Variants in CPNE4 observed in about 807,000 individuals in gnomAD.
CPNE4 encodes copine-4.
Under a neutral mutation model 67.9 loss-of-function variants are expected in CPNE4, and 25 were observed. That is an observed-to-expected ratio of 0.37 (90% CI 0.27 to 0.51). CPNE4 has a LOEUF of 0.51. Ranked by LOEUF, CPNE4 falls within the 20% of genes least tolerant of loss-of-function variation. The pLI is 0.93. For synonymous variants in CPNE4, 242 were observed against 244.9 expected (o/e 0.99, Z 0.11); for missense variants, 464 against 690.8 (o/e 0.67, Z 3.68).
intron 6 of CPNE4, among the ~76,000 whole-genome samples, chr3:131,684,310 CT>C (rs1433072763): frequency 1.3e-5 from 2 of 152,180 alleles, no homozygotes; most frequent in African/African-American, 4.8e-5. Context: ...TGAAAGACCT[CT>C]TTTGGTGGTG....
intron 2 of CPNE4, among the ~76,000 whole-genome samples, chr3:131,819,532 T>G (rs1440699361): frequency 6.9e-6 from 1 of 144,462 alleles, no homozygotes. Flanking sequence ...ACGCACAGTT[T>G]CCTTAAAACC....
intron 3 of CPNE4, among the ~76,000 whole-genome samples, chr3:131,721,122 G>C (rs2107741900): frequency 6.6e-6 from 1 of 152,062 alleles, no homozygotes; most frequent in East Asian, 1.9e-4. Context: ...ATTAATTGTT[G>C]TGTAATTATT....
chr3:131,652,000 A>G (rs1207644619), intron 7 of CPNE4, among the ~76,000 whole-genome samples: 1 of 152,200 alleles, frequency 6.6e-6, no homozygotes, highest in Non-Finnish European at 1.5e-5. Context: ...CAGAACTTAC[A>G]TAGGCTTCTC....
chr3:131,610,199 A>G (rs926027199), intron 7 of CPNE4, among the ~76,000 whole-genome samples: 3 of 152,100 alleles, frequency 2.0e-5, no homozygotes, highest in Admixed American at 6.6e-5. Flanking sequence ...CAAGGCAGCC[A>G]TTGCTTTTTC....
At chr3:131,963,846 G>C (rs1683851644) in intron 1 of CPNE4, among the ~76,000 whole-genome samples, 1 of 152,238 alleles carries the variant, frequency 6.6e-6, no homozygotes, top group Admixed American at 6.5e-5. Flanking sequence ...GCTCTGAAGA[G>C]AGCAGAGAAT....
chr3:131,543,868 C>T (rs1264539450), intron 14 of CPNE4, among the ~76,000 whole-genome samples: 2 of 152,286 alleles, frequency 1.3e-5, no homozygotes, highest in East Asian at 3.9e-4. Flanking sequence ...TTGCAGTGCT[C>T]CCATGGCTTC....
intron 6 of CPNE4, among the ~76,000 whole-genome samples, chr3:131,684,111 C>A (rs1330098055): frequency 1.3e-5 from 2 of 152,164 alleles, no homozygotes; most frequent in African/African-American, 2.4e-5. Flanking sequence ...ATGTTAAAAC[C>A]AAGTACTGTG....
chr3:131,692,018 G>T (rs1382634356), intron 5 of CPNE4, among the ~76,000 whole-genome samples: 1 of 152,086 alleles, frequency 6.6e-6, no homozygotes, highest in Non-Finnish European at 1.5e-5. Context: ...AATGAATAGG[G>T]CATTTTACTG....
chr3:131,648,496 A>G (rs1307653835), intron 7 of CPNE4, among the ~76,000 whole-genome samples: 3 of 152,380 alleles, frequency 2.0e-5, no homozygotes, highest in East Asian at 3.9e-4. Context: ...AGAACCTAGC[A>G]TGGTGCTTCA....
chr3:131,805,478 C>A (rs183230290), intron 2 of CPNE4, among the ~76,000 whole-genome samples: 8 of 152,260 alleles, frequency 5.3e-5, no homozygotes, highest in African/African-American at 1.4e-4. Flanking sequence ...TAAACAAATT[C>A]GATCCTCATT....
intron 2 of CPNE4, among the ~76,000 whole-genome samples, chr3:131,766,686 T>A (rs945313071): frequency 1.3e-5 from 2 of 152,030 alleles, no homozygotes; most frequent in Admixed American, 6.6e-5. Context: ...TTATAAAAAT[T>A]AGAATTCTAA....
intron 2 of CPNE4, among the ~76,000 whole-genome samples, chr3:131,872,341 A>G (rs140975285): frequency 2.2e-4 from 33 of 152,258 alleles, no homozygotes; most frequent in African/African-American, 7.0e-4. Context: ...AGCCAATGGT[A>G]TAGGTTCAGT....
chr3:131,750,713 C>T (rs754296911), intron 2 of CPNE4, among the ~76,000 whole-genome samples: 12 of 152,020 alleles, frequency 7.9e-5, no homozygotes, highest in Non-Finnish European at 1.6e-4. Context: ...AGAAAAAATG[C>T]CTATTATTTT....
At chr3:131,787,013 T>C (rs1370421362) in intron 2 of CPNE4, among the ~76,000 whole-genome samples, 2 of 152,186 alleles carry the variant, frequency 1.3e-5, no homozygotes, top group Non-Finnish European at 2.9e-5. Context: ...TCAGTTATTA[T>C]CGACTTGAAC....
At chr3:131,901,913 A>G (rs1250560430) in intron 2 of CPNE4, among the ~76,000 whole-genome samples, 2 of 152,106 alleles carry the variant, frequency 1.3e-5, no homozygotes, top group African/African-American at 2.4e-5. Flanking sequence ...TCAGGAGACT[A>G]TATAAGCTGA....
At chr3:132,038,008 T>C (rs980135058), upstream of CPNE4, 467 of 158,374 alleles carry the variant, frequency 2.9e-3, 4 homozygotes, top group African/African-American at 0.01. Context: ...TCTTTCTTTT[T>C]TTTTTTTTTC....
chr3:132,033,390 AGTGTGTGTGTGTGTCT>A (rs1042414926), intron 1 of CPNE4, among the ~76,000 whole-genome samples: 8 of 111,652 alleles, frequency 7.2e-5, no homozygotes, highest in African/African-American at 9.7e-5. Context: ...AGAGTGTGTG[AGTGTGTGTGTGTGTCT>A]GTGTGTGTGT....
intron 1 of CPNE4, among the ~76,000 whole-genome samples, chr3:131,963,803 C>A (rs925593020): frequency 6.6e-6 from 1 of 152,154 alleles, no homozygotes; most frequent in Non-Finnish European, 1.5e-5. Context: ...CAGCTGTTGG[C>A]ACTACGGCAG....
intron 1 of CPNE4, among the ~76,000 whole-genome samples, chr3:131,917,219 T>G (rs145007882): frequency 6.6e-6 from 1 of 152,202 alleles, no homozygotes; most frequent in Non-Finnish European, 1.5e-5. Context: ...TTATGTCCAA[T>G]GTGTAATCAT....
Sources: allele counts gnomAD v4.1 joint callset (sites outside exome capture counted in the v4.1 genomes callset), GRCh38; gene constraint gnomAD v4.1.1; transcripts MANE v1.5; gene names NCBI Gene and HGNC (gene_info 2026-07-23, HGNC 2026-07-21).